The following CAMTA1 variants were observed in gnomAD, a reference collection of about 807,000 sequenced individuals.
CAMTA1 encodes the protein calmodulin-binding transcription activator 1.
CAMTA1 carries 27 observed loss-of-function variants against 170.9 expected under a neutral mutation model. That is an observed-to-expected ratio of 0.16 (90% CI 0.12 to 0.22). The LOEUF is 0.22. CAMTA1 is among the 10% of genes least tolerant of loss of function. CAMTA1 has a pLI of 1.00. For synonymous variants in CAMTA1, 833 were observed against 891.5 expected (o/e 0.93, Z 1.17); for missense variants, 1,619 against 2,217.2 (o/e 0.73, Z 5.42).
At chr1:7,035,167 T>C (rs1365517079) in intron 3 of CAMTA1, among the ~76,000 whole-genome samples, 1 of 152,126 alleles carries the variant, frequency 6.6e-6, no homozygotes, top group Non-Finnish European at 1.5e-5. Flanking sequence ...TTTGGGAGGC[T>C]GAGGCAGGTG....
chr1:6,825,278 G>A, intron 3 of CAMTA1, 68 bp downstream of exon 3: 1 of 727,376 alleles, frequency 1.4e-6, no homozygotes, highest in Non-Finnish European at 2.4e-6. Context: ...GCTTCACATA[G>A]TCCTACTTTA....
At chr1:7,604,713 T>C (rs1423568434) in intron 6 of CAMTA1, among the ~76,000 whole-genome samples, 1 of 152,246 alleles carries the variant, frequency 6.6e-6, no homozygotes, top group South Asian at 2.1e-4. Flanking sequence ...CTTTGTTCCG[T>C]TGCTGGTGAG....
In CAMTA1 at chr1:7,146,897, G is replaced by GCATACA. The variant is rs1258891163; in HGVS notation, c.302+55536_302+55541dup. Among the ~76,000 whole-genome samples the GCATACA allele has an allele frequency of 6.6e-6, 1 of 151,408 alleles. No homozygotes were observed. The highest frequency in any genetic ancestry group is 1.9e-4 in the East Asian group (1 of 5,152). On this transcript the variant is annotated intron_variant, in intron 4 of 22. Coordinates refer to ENST00000303635, the MANE Select transcript of CAMTA1 (RefSeq NM_015215.4). This position sits in a 1 kb window ranked among gnomAD's most constrained non-coding sequence, Gnocchi z 4.3. ...ACACAGACACTCAAACATATGCCGT[G>GCATACA]CATACACATACACATCACACACTCA...
chr1:7,672,418 C>T (rs1294318338), intron 10 of CAMTA1, among the ~76,000 whole-genome samples: 1 of 152,088 alleles, frequency 6.6e-6, no homozygotes, highest in Non-Finnish European at 1.5e-5. Flanking sequence ...TCAGGCTCTT[C>T]TTTTTGTTGG....
At chr1:7,310,977 G>A (rs6657747) in intron 5 of CAMTA1, among the ~76,000 whole-genome samples, 24,086 of 151,764 alleles carry the variant, frequency 0.16, 2,012 homozygotes, top group Middle Eastern at 0.22. Flanking sequence ...GTGATCCACG[G>A]GCCTAAGCCT....
At position 7,641,797 on chromosome 1, in the gene CAMTA1, G is replaced by A. The variant is rs2148945803; in HGVS notation, c.664+1244G>A. Among the ~76,000 whole-genome samples the A allele has an allele frequency of 6.6e-6, 1 of 152,242 alleles. No homozygotes were observed. The highest frequency in any genetic ancestry group is 2.1e-4 in the South Asian group (1 of 4,830). On this transcript the variant is annotated intron_variant, in intron 7 of 22. Transcript: ENST00000303635. The surrounding 1 kb of genome is among the most constrained non-coding windows in gnomAD (Gnocchi z 4.5). ...CAGTGCTTCTGCCTGGAACCTCGAGGCAGGCAGCCCAGGGACCTCCTGAGC... is the reference window on the plus strand; with the variant it reads ...CAGTGCTTCTGCCTGGAACCTCGAGACAGGCAGCCCAGGGACCTCCTGAGC...
At chr1:7,046,355 A>G (rs539642348) in intron 3 of CAMTA1, among the ~76,000 whole-genome samples, 1 of 152,312 alleles carries the variant, frequency 6.6e-6, no homozygotes, top group African/African-American at 2.4e-5. Flanking sequence ...AGGCCAGGAT[A>G]CCAGAGCCTC....
intron 19 of CAMTA1, among the ~76,000 whole-genome samples, chr1:7,750,237 A>G (rs1301894639): frequency 6.6e-6 from 1 of 152,240 alleles, no homozygotes. Flanking sequence ...AGGTTCTTGC[A>G]GAAGGGTCCT....
At chr1:7,502,145 C>A (rs1272130960) in intron 6 of CAMTA1, among the ~76,000 whole-genome samples, 1 of 152,224 alleles carries the variant, frequency 6.6e-6, no homozygotes, top group African/African-American at 2.4e-5. Context: ...AGGTCAACGA[C>A]AGCCCCGGAA....
At chr1:7,019,205 T>C (rs1045115695) in intron 3 of CAMTA1, among the ~76,000 whole-genome samples, 1 of 152,222 alleles carries the variant, frequency 6.6e-6, no homozygotes, top group Non-Finnish European at 1.5e-5. Context: ...TCGCGGACAC[T>C]CGGGTTCTCT....
intron 6 of CAMTA1, among the ~76,000 whole-genome samples, chr1:7,612,387 T>C (rs1171696826): frequency 6.6e-6 from 1 of 152,206 alleles, no homozygotes; most frequent in Non-Finnish European, 1.5e-5. Context: ...TTCTCTTTTC[T>C]CTTTCTCTGC....
chr1:7,284,783 TC>T (rs2149475382), intron 5 of CAMTA1, among the ~76,000 whole-genome samples: 1 of 152,312 alleles, frequency 6.6e-6, no homozygotes, highest in Non-Finnish European at 1.5e-5. Flanking sequence ...TCGCTTTACC[TC>T]CTTCTTGCAC....
intron 3 of CAMTA1, among the ~76,000 whole-genome samples, chr1:6,935,635 G>A (rs145057574): frequency 2.0e-5 from 3 of 152,266 alleles, no homozygotes; most frequent in East Asian, 1.9e-4. Context: ...TGTCTAATCC[G>A]CCCGACATCA....
At chr1:7,012,891 G>C (rs1002653929) in intron 3 of CAMTA1, among the ~76,000 whole-genome samples, 5 of 152,156 alleles carry the variant, frequency 3.3e-5, no homozygotes, top group African/African-American at 1.2e-4. Flanking sequence ...TCACCGTCCA[G>C]CTGCTTCTCG....
chr1:6,962,279 G>C (rs1194562938), intron 3 of CAMTA1, among the ~76,000 whole-genome samples: 1 of 152,168 alleles, frequency 6.6e-6, no homozygotes, highest in East Asian at 1.9e-4. Context: ...CTCCCCCCAG[G>C]TCAGCTGGTC....
chr1:7,581,707 C>G (rs555562862), intron 6 of CAMTA1, among the ~76,000 whole-genome samples: 1 of 152,234 alleles, frequency 6.6e-6, no homozygotes, highest in Admixed American at 6.5e-5. Context: ...TGCTCCTCAC[C>G]GGAGCTTTTG....
intron 4 of CAMTA1, among the ~76,000 whole-genome samples, chr1:7,152,672 C>T (rs143480215): frequency 2.0e-5 from 3 of 152,316 alleles, no homozygotes; most frequent in African/African-American, 4.8e-5. Flanking sequence ...CAGCAGGCTT[C>T]TCCACCTCCC....
At chr1:7,471,704 C>T (rs969551044) in intron 6 of CAMTA1, among the ~76,000 whole-genome samples, 2 of 152,258 alleles carry the variant, frequency 1.3e-5, no homozygotes, top group African/African-American at 2.4e-5. Context: ...GGTGTCACTG[C>T]AGCCGCAGGA....
intron 3 of CAMTA1, among the ~76,000 whole-genome samples, chr1:6,826,438 A>G (rs550886934): frequency 1.3e-5 from 2 of 152,354 alleles, no homozygotes; most frequent in South Asian, 4.1e-4. Context: ...TAGACGTGAA[A>G]ATGAAGTAGA....
Sources: allele counts gnomAD v4.1 joint callset (sites outside exome capture counted in the v4.1 genomes callset), GRCh38; gene constraint gnomAD v4.1.1; non-coding constraint Gnocchi (gnomAD v3.1); transcripts MANE v1.5; gene names NCBI Gene and HGNC (gene_info 2026-07-23, HGNC 2026-07-21).